The following ATP2B2 variants were observed in gnomAD, a reference collection of about 807,000 sequenced individuals.
ATP2B2 encodes plasma membrane calcium-transporting ATPase 2.
A neutral mutation model predicts 120.0 loss-of-function variants in ATP2B2; 15 were observed. That is an observed-to-expected ratio of 0.12 (90% CI 0.08 to 0.19). The LOEUF (loss-of-function observed/expected upper bound fraction) is 0.19. ATP2B2 is among the 10% of genes least tolerant of loss of function. ATP2B2 has a pLI of 1.00. For missense variants in ATP2B2, 1,045 were observed against 1,719.8 expected, an observed-to-expected ratio of 0.61 and a Z score of 6.94; for synonymous variants, 694 against 700.3, an observed-to-expected ratio of 0.99 and a Z score of 0.14.
chr3:10,694,974 T>C lies in ATP2B2; in HGVS notation c.-460+12941A>G, dbSNP rs149506515. 5.3e-5 allele frequency among the ~76,000 whole-genome samples: 8 copies of C among 152,150 alleles called. No homozygotes were observed. The East Asian group carries it at 1.4e-3, about 26-fold the overall frequency. ...ATTTCCAGTGTGATGTTGTGGCTGC[T>C]TGTGATTAAAAGGGGAAGTCTATGT... On this transcript the variant is annotated intron_variant, in intron 1 of 21. Coordinates refer to the ATP2B2 transcript ENST00000646379.
intron 1 of ATP2B2, among the ~76,000 whole-genome samples, chr3:10,654,335 A>G (rs1286189021): frequency 1.3e-5 from 2 of 152,156 alleles, no homozygotes; most frequent in African/African-American, 4.8e-5. Context: ...CTTGTAACCC[A>G]GGGCCTACTT....
intron 12 of ATP2B2, 24 bp from the exon 13 acceptor site, chr3:10,360,147 T>C (rs1238759116): frequency 1.3e-6 from 2 of 1,562,594 alleles, no homozygotes; most frequent in African/African-American, 2.7e-5. Context: ...AAGGAGCGGC[T>C]GGCACCTGGT....
chr3:10,471,896 C>T (rs886306717), intron 1 of ATP2B2, among the ~76,000 whole-genome samples: 59 of 151,704 alleles, frequency 3.9e-4, no homozygotes, highest in African/African-American at 1.1e-3. Context: ...CTGGCGAACA[C>T]GGTGAAACCC....
chr3:10,587,461 C>A (rs1037096411), intron 2 of ATP2B2, among the ~76,000 whole-genome samples: 1 of 152,080 alleles, frequency 6.6e-6, no homozygotes, highest in East Asian at 1.9e-4. Flanking sequence ...CGATCTTGAA[C>A]CTTTGCCTCC....
At chr3:10,486,111 C>A (rs1559398230) in intron 1 of ATP2B2, among the ~76,000 whole-genome samples, 2 of 152,188 alleles carry the variant, frequency 1.3e-5, no homozygotes, top group African/African-American at 2.4e-5. Context: ...CGCACTCATA[C>A]AACATCATTC....
At chr3:10,573,980 TC>T (rs1023719052) in intron 2 of ATP2B2, among the ~76,000 whole-genome samples, 2 of 152,084 alleles carry the variant, frequency 1.3e-5, no homozygotes, top group African/African-American at 2.4e-5. Context: ...TCTGCCTGTC[TC>T]CCCCCATTAT....
At chr3:10,572,097 C>T (rs575125556) in intron 2 of ATP2B2, among the ~76,000 whole-genome samples, 118 of 152,280 alleles carry the variant, frequency 7.7e-4, no homozygotes, top group African/African-American at 2.6e-3. Context: ...CCTCTGCCAT[C>T]GCCATAAGAA....
At chr3:10,574,890 T>C (rs117597624) in intron 2 of ATP2B2, among the ~76,000 whole-genome samples, 3,242 of 151,872 alleles carry the variant, frequency 0.021, 60 homozygotes, top group South Asian at 0.047. Context: ...GATATGAGGG[T>C]GGGATTCTTG....
At chr3:10,394,102 G>A (rs1459833528) in intron 5 of ATP2B2, among the ~76,000 whole-genome samples, 1 of 152,034 alleles carries the variant, frequency 6.6e-6, no homozygotes, top group Admixed American at 6.5e-5. Flanking sequence ...GATCTCTTGC[G>A]TGTGACCTTT....
At chr3:10,692,116 G>A (rs1346440661) in intron 1 of ATP2B2, among the ~76,000 whole-genome samples, 1 of 152,110 alleles carries the variant, frequency 6.6e-6, no homozygotes, top group Non-Finnish European at 1.5e-5. Context: ...TTTCAAAGTG[G>A]CTCTATTTTT....
chr3:10,708,042 T>G (rs1575638197), upstream of ATP2B2: 1 of 116,412 alleles, frequency 8.6e-6, no homozygotes, highest in South Asian at 2.4e-4. Flanking sequence ...CGCGCTCGCC[T>G]GCCCCGCGGC....
At chr3:10,643,774 C>T (rs937684297) in intron 1 of ATP2B2, among the ~76,000 whole-genome samples, 3 of 152,028 alleles carry the variant, frequency 2.0e-5, no homozygotes, top group Non-Finnish European at 4.4e-5. Context: ...ATATGACAAC[C>T]AAATGCAGTA....
intron 1 of ATP2B2, among the ~76,000 whole-genome samples, chr3:10,707,003 C>T (rs1490154144): frequency 6.6e-6 from 1 of 152,244 alleles, no homozygotes; most frequent in African/African-American, 2.4e-5. Context: ...GGAAGCAGTG[C>T]TTCTACAGCT....
At chr3:10,664,024 G>A (rs1011509165) in intron 1 of ATP2B2, among the ~76,000 whole-genome samples, 7 of 152,114 alleles carry the variant, frequency 4.6e-5, no homozygotes, top group Admixed American at 1.3e-4. Context: ...CTTACAAGTG[G>A]CCTCGTTGAC....
At chr3:10,420,999 C>T (rs190810147) in intron 2 of ATP2B2, among the ~76,000 whole-genome samples, 7 of 152,302 alleles carry the variant, frequency 4.6e-5, no homozygotes, top group Admixed American at 2.6e-4. Flanking sequence ...GTCCCTGGAG[C>T]GGCGGCTTCA....
chr3:10,637,196 T>A (rs1473085239), intron 1 of ATP2B2, among the ~76,000 whole-genome samples: 2 of 152,212 alleles, frequency 1.3e-5, no homozygotes, highest in Non-Finnish European at 2.9e-5. Context: ...ATGTCCCAGA[T>A]GTAGCTCAAG....
At chr3:10,578,566 A>G (rs915071433) in intron 2 of ATP2B2, among the ~76,000 whole-genome samples, 1 of 151,992 alleles carries the variant, frequency 6.6e-6, no homozygotes, top group Non-Finnish European at 1.5e-5. Flanking sequence ...AAACAAAAAG[A>G]AAAACATATA....
chr3:10,623,616 G>A (rs1374898636), intron 1 of ATP2B2, among the ~76,000 whole-genome samples: 7 of 152,166 alleles, frequency 4.6e-5, no homozygotes, highest in African/African-American at 9.7e-5. Flanking sequence ...CTCCTTGGGC[G>A]GAAGGCCTGC....
intron 2 of ATP2B2, among the ~76,000 whole-genome samples, chr3:10,555,305 G>A (rs2067755223): frequency 6.6e-6 from 1 of 152,198 alleles, no homozygotes; most frequent in Non-Finnish European, 1.5e-5. Context: ...TTCCCAGAAG[G>A]GCATTATCTC....
Sources: allele counts gnomAD v4.1 joint callset (sites outside exome capture counted in the v4.1 genomes callset), GRCh38; gene constraint gnomAD v4.1.1; transcripts MANE v1.5; gene names NCBI Gene and HGNC (gene_info 2026-07-23, HGNC 2026-07-21).